The following IMMP2L variants were observed in gnomAD, a reference collection of about 807,000 sequenced individuals.
IMMP2L encodes inner mitochondrial membrane peptidase subunit 2.
IMMP2L carries 18 observed loss-of-function variants against 19.3 expected under a neutral mutation model. The ratio of observed to expected loss-of-function variants is 0.93; its 90% CI spans 0.64 to 1.38. IMMP2L has a LOEUF of 1.38. IMMP2L is among the 40% of genes most tolerant of loss of function. IMMP2L has a pLI of 0.00. For synonymous variants in IMMP2L, 76 were observed against 73.0 expected (o/e 1.04, Z -0.21); for missense variants, 233 against 218.2 (o/e 1.07, Z -0.43).
intron 3 of IMMP2L, among the ~76,000 whole-genome samples, chr7:111,075,080 A>T (rs1246542795): frequency 6.7e-6 from 1 of 148,922 alleles, no homozygotes; most frequent in Non-Finnish European, 1.5e-5. Flanking sequence ...GAGCAAAAAA[A>T]TTTGGCTGTT....
At chr7:110,842,458 G>A (rs907991542) in intron 5 of IMMP2L, among the ~76,000 whole-genome samples, 8 of 152,148 alleles carry the variant, frequency 5.3e-5, no homozygotes, top group Admixed American at 5.2e-4. Flanking sequence ...TATTCAACTC[G>A]GAAGGCCTGG....
At chr7:110,880,567 C>A (rs1003174485) in intron 5 of IMMP2L, among the ~76,000 whole-genome samples, 6 of 151,870 alleles carry the variant, frequency 4.0e-5, no homozygotes, top group East Asian at 1.9e-4. Flanking sequence ...TCAATATATT[C>A]AATAGTAGAC....
chr7:111,517,181 G>A (rs1845944162), intron 2 of IMMP2L, among the ~76,000 whole-genome samples: 1 of 151,250 alleles, frequency 6.6e-6, no homozygotes, highest in African/African-American at 2.4e-5. Context: ...AAACTCAGCA[G>A]GAAACAAGAT....
At position 111,232,373 on chromosome 7, in the gene IMMP2L, G is replaced by GT. The variant is rs373241535; in HGVS notation, c.239+254864dup. Among the ~76,000 whole-genome samples, 962 of 133,082 alleles carry GT rather than the reference G, an allele frequency of 7.2e-3. 4 individuals are homozygous for GT. The highest frequency in any genetic ancestry group is 0.01 in the Non-Finnish European group (613 of 60,960). 87.3% of individuals were successfully genotyped at this position (133,082 alleles called of 152,430 possible). ...TCACTATATTGATTCATTTTGGAGGGTTTTTTTTTTTTTTTTAAGAAAAAC... is the reference window on the plus strand; with the variant it reads ...TCACTATATTGATTCATTTTGGAGGGTTTTTTTTTTTTTTTTTAAGAAAAAC... On this transcript the variant is annotated intron_variant, in intron 3 of 5. Coordinates refer to ENST00000405709, the MANE Select transcript of IMMP2L (RefSeq NM_032549.4).
chr7:111,457,328 G>A (rs1839758721), intron 3 of IMMP2L, among the ~76,000 whole-genome samples: 1 of 133,524 alleles, frequency 7.5e-6, no homozygotes, highest in African/African-American at 2.9e-5. Context: ...CTTAATACTG[G>A]CCTTGAAAAA....
intron 3 of IMMP2L, among the ~76,000 whole-genome samples, chr7:111,310,769 T>C (rs903649048): frequency 1.3e-5 from 2 of 152,196 alleles, no homozygotes; most frequent in South Asian, 2.1e-4. Flanking sequence ...CTAATTGATA[T>C]AGGAATGGGG....
intron 5 of IMMP2L, among the ~76,000 whole-genome samples, chr7:110,686,952 C>T (rs985315976): frequency 2.0e-5 from 3 of 152,042 alleles, no homozygotes; most frequent in Non-Finnish European, 4.4e-5. Flanking sequence ...CATAGCCTGG[C>T]ATTCAGGAAC....
chr7:111,301,536 C>G (rs1822238648), intron 3 of IMMP2L, among the ~76,000 whole-genome samples: 1 of 151,986 alleles, frequency 6.6e-6, no homozygotes, highest in Non-Finnish European at 1.5e-5. Flanking sequence ...TTGCCTAGCC[C>G]TAGATCCTAA....
intron 3 of IMMP2L, among the ~76,000 whole-genome samples, chr7:111,306,982 A>C (rs1435996748): frequency 2.7e-5 from 4 of 148,958 alleles, no homozygotes; most frequent in African/African-American, 9.8e-5. Flanking sequence ...ACTATATTCT[A>C]TATAGATATA....
At chr7:111,027,457 CAAT>C (rs1260700197) in intron 3 of IMMP2L, among the ~76,000 whole-genome samples, 1 of 151,948 alleles carries the variant, frequency 6.6e-6, no homozygotes, top group Non-Finnish European at 1.5e-5. Flanking sequence ...TAGAATGACT[CAAT>C]AATGATGTGG....
intron 3 of IMMP2L, among the ~76,000 whole-genome samples, chr7:111,429,141 T>C (rs1221681672): frequency 6.6e-6 from 1 of 151,834 alleles, no homozygotes; most frequent in African/African-American, 2.4e-5. Context: ...AACACTTGTA[T>C]ATTAATCTAG....
At chr7:111,343,681 G>A (rs1267162506) in intron 3 of IMMP2L, among the ~76,000 whole-genome samples, 1 of 151,944 alleles carries the variant, frequency 6.6e-6, no homozygotes, top group Admixed American at 6.6e-5. Context: ...AGATATCAAT[G>A]CCAGCCCCAT....
At chr7:111,501,698 C>T (rs1489049307) in intron 2 of IMMP2L, among the ~76,000 whole-genome samples, 7 of 152,048 alleles carry the variant, frequency 4.6e-5, no homozygotes, top group East Asian at 1.9e-4. Flanking sequence ...AATTTTCAAC[C>T]CAGAATTTCA....
At chr7:111,416,948 C>A (rs1005835524) in intron 3 of IMMP2L, among the ~76,000 whole-genome samples, 2 of 151,270 alleles carry the variant, frequency 1.3e-5, no homozygotes, top group Non-Finnish European at 2.9e-5. Context: ...ATATACTATC[C>A]AATACAGTAA....
At chr7:110,690,270 A>T (rs971509703) in intron 5 of IMMP2L, among the ~76,000 whole-genome samples, 9 of 152,142 alleles carry the variant, frequency 5.9e-5, no homozygotes, top group Admixed American at 3.9e-4. Flanking sequence ...CCTCCAGATG[A>T]ACTTTCTTTT....
chr7:110,900,313 T>C (rs548041967), intron 4 of IMMP2L, among the ~76,000 whole-genome samples: 112 of 152,264 alleles, frequency 7.4e-4, no homozygotes, highest in African/African-American at 2.6e-3. Flanking sequence ...CTAAATCACT[T>C]CATGAAACTT....
chr7:111,074,368 C>T (rs112280462), intron 3 of IMMP2L, among the ~76,000 whole-genome samples: 2 of 152,224 alleles, frequency 1.3e-5, no homozygotes, highest in African/African-American at 4.8e-5. Flanking sequence ...ATAAACACCA[C>T]ACTTGCAATA....
intron 3 of IMMP2L, among the ~76,000 whole-genome samples, chr7:111,461,462 C>T (rs569004672): frequency 6.6e-5 from 10 of 152,126 alleles, no homozygotes; most frequent in Non-Finnish European, 1.2e-4. Context: ...TTTTATGGCT[C>T]TTGCTACACA....
intron 2 of IMMP2L, among the ~76,000 whole-genome samples, chr7:111,500,493 A>C (rs1844096713): frequency 2.0e-5 from 3 of 152,136 alleles, no homozygotes; most frequent in South Asian, 4.1e-4. Context: ...GATCTGAGAA[A>C]GGGCAGACTG....
Sources: gnomAD v4.1 joint callset for allele counts (sites outside exome capture counted in the v4.1 genomes callset) on GRCh38, gnomAD v4.1.1 for gene constraint, MANE v1.5 for transcripts, NCBI Gene and HGNC (gene_info 2026-07-23, HGNC 2026-07-21) for gene names.